Variants in CYS1 observed in about 807,000 individuals in gnomAD.
CYS1 encodes the protein cystin-1.
CYS1 carries 5 observed loss-of-function variants against 9.6 expected under a neutral mutation model. The ratio of observed to expected loss-of-function variants is 0.52; its 90% CI spans 0.27 to 1.10. CYS1 has a LOEUF of 1.10. Ranked by LOEUF, CYS1 falls within the 50% of genes least tolerant of loss-of-function variation. The pLI is 0.11. For missense variants in CYS1, 221 were observed against 207.9 expected, an observed-to-expected ratio of 1.06 and a Z score of -0.39; for synonymous variants, 88 against 95.7, an observed-to-expected ratio of 0.92 and a Z score of 0.47.
At position 10,058,417 on chromosome 2, in the gene CYS1, T is replaced by C. The variant is rs868123839; in HGVS notation, c.*436A>G. 30 of 158,866 alleles carry C rather than the reference T, an allele frequency of 1.9e-4. No homozygotes were observed. Among genetic ancestry groups the C allele is most frequent in the Non-Finnish European group, 1.4e-4 (10 of 72,338 alleles). The allele number at this position is 158,866 out of a possible 1,614,324, so 9.8% of individuals were successfully genotyped here. On this transcript the variant is annotated 3_prime_UTR_variant, in exon 3 of 3. Transcript: ENST00000381813. ...ACCCCTGGAGAGATGGGCCCGAGAC[T>C]GAGGGAGCAGCGCGGGTGCACCTTC...
rs1572451982 is a variant in CYS1, at chr2:10,057,939, C to T, written c.*914G>A. ...CTCACTGCTGTGGTTTCCCACCTTC[C>T]ACCCAGGCAGGAAGAGAATTTAAAA... On this transcript the variant is annotated 3_prime_UTR_variant, in exon 3 of 3. Coordinates refer to ENST00000381813, the MANE Select transcript of CYS1 (RefSeq NM_001037160.3). The T allele has an allele frequency of 6.6e-6, 1 of 152,308 alleles. No homozygotes were observed. The highest frequency in any genetic ancestry group is 1.5e-5 in the Non-Finnish European group (1 of 68,118). 9.4% of individuals were successfully genotyped at this position (152,308 alleles called of 1,614,324 possible). A position where few individuals can be genotyped will look rare whatever the true frequency, so the allele number is the denominator to read the frequency against.
chr2:10,067,406 CTTTTT>C (rs34525296), intron 1 of CYS1, among the ~76,000 whole-genome samples: 77 of 118,116 alleles, frequency 6.5e-4, no homozygotes, highest in African/African-American at 2.1e-3. Context: ...AAATTCTTTT[CTTTTT>C]TTTTTTTTTT....
At position 10,058,691 on chromosome 2, in the gene CYS1, A is replaced by C. The variant is rs1661583740; in HGVS notation, c.*162T>G. 5.2e-6 allele frequency: 3 copies of C among 579,026 alleles called. No individual in the cohort carries two copies. The South Asian group carries it at 8.3e-5, about 16-fold the overall frequency. 35.9% of individuals were successfully genotyped at this position (579,026 alleles called of 1,614,324 possible). Reference sequence around the variant, plus strand: ...AACCATGACCGCCAGTGGCTGGCCCAGGTCAGCGCGGTCTGAAAGTGGATT... The same window carrying C: ...AACCATGACCGCCAGTGGCTGGCCCCGGTCAGCGCGGTCTGAAAGTGGATT... On this transcript the variant is annotated 3_prime_UTR_variant, in exon 3 of 3. Transcript: ENST00000381813.
chr2:10,068,491 G>A (rs187213166), intron 1 of CYS1, among the ~76,000 whole-genome samples: 2 of 152,260 alleles, frequency 1.3e-5, no homozygotes, highest in Admixed American at 1.3e-4. Flanking sequence ...AGGCATCCCT[G>A]GTCTGAAACC....
chr2:10,062,952 T>C (rs529525027), intron 2 of CYS1, among the ~76,000 whole-genome samples: 5 of 152,346 alleles, frequency 3.3e-5, no homozygotes, highest in South Asian at 2.1e-4. Context: ...GCCCCTGGGC[T>C]TCCACTAGCC....
At chr2:10,061,948 T>C (rs143257498) in intron 2 of CYS1, among the ~76,000 whole-genome samples, 352 of 152,076 alleles carry the variant, frequency 2.3e-3, no homozygotes, top group African/African-American at 8.0e-3. Context: ...AGTCAAGAAA[T>C]GAATTTTTGT....
In CYS1 at chr2:10,063,325, G is replaced by A. The variant is rs1270648840; in HGVS notation, c.371+2579C>T. On this transcript the variant is annotated intron_variant, in intron 2 of 2. Coordinates refer to ENST00000381813, the MANE Select transcript of CYS1 (RefSeq NM_001037160.3). The surrounding 1 kb of genome is among the most constrained non-coding windows in gnomAD (Gnocchi z 4.2). ...GAGGGGCTGGGAAGTTGCACCATGC[G>A]GGAGGAGGGACACTAGTTTGACCAG... Among the ~76,000 whole-genome samples, 5 of 152,146 alleles carry A rather than the reference G, an allele frequency of 3.3e-5. No homozygotes were observed. Among genetic ancestry groups the A allele is most frequent in the South Asian group, 4.1e-4 (2 of 4,820 alleles).
rs536040447 is a variant in CYS1 at position 10,063,222 on chromosome 2, T to C, written c.371+2682A>G. ...CCAGAGGCGAATCTGATTCCTTCTG[T>C]GATGAGGCCTGGAGAGAAGAGAGGG... On this transcript the variant is annotated intron_variant, in intron 2 of 2. Coordinates refer to ENST00000381813, the MANE Select transcript of CYS1 (RefSeq NM_001037160.3). The surrounding 1 kb of genome is among the most constrained non-coding windows in gnomAD (Gnocchi z 4.2). Among the ~76,000 whole-genome samples the C allele has an allele frequency of 6.6e-6, 1 of 152,178 alleles. No individual in the cohort carries two copies. The highest frequency in any genetic ancestry group is 1.5e-5 in the Non-Finnish European group (1 of 68,002).
chr2:10,071,507 C>T lies in CYS1; in HGVS notation c.319-5551G>A, dbSNP rs139820320. 1.8e-3 allele frequency among the ~76,000 whole-genome samples: 268 copies of T among 152,350 alleles called. 1 individual carries two copies. The highest frequency in any genetic ancestry group is 6.1e-3 in the African/African-American group (254 of 41,584). On this transcript the variant is annotated intron_variant, in intron 1 of 2. Coordinates refer to ENST00000381813, the MANE Select transcript of CYS1 (RefSeq NM_001037160.3). Reference sequence around the variant, plus strand: ...TGCGTGAACGGCCCCCCAGAGCGGACGCAGGAGGAAGCAATTTCCCCAATG... The same window carrying T: ...TGCGTGAACGGCCCCCCAGAGCGGATGCAGGAGGAAGCAATTTCCCCAATG...
rs2125292345 is a variant in CYS1, at chr2:10,076,814, T to A, written c.318+3092A>T. 1.3e-5 allele frequency among the ~76,000 whole-genome samples: 2 copies of A among 152,254 alleles called. No homozygotes were observed. Among genetic ancestry groups the A allele is most frequent in the Middle Eastern group, 6.8e-3 (2 of 294 alleles). On this transcript the variant is annotated intron_variant, in intron 1 of 2. Coordinates refer to ENST00000381813, the MANE Select transcript of CYS1 (RefSeq NM_001037160.3). This position sits in a 1 kb window ranked among gnomAD's most constrained non-coding sequence, Gnocchi z 4.3. ...ACGCTGGCAGCATCGTCACTGGTGA[T>A]CCCATCTAATCTCATGGGTTTAAAT...
intron 2 of CYS1, among the ~76,000 whole-genome samples, chr2:10,065,176 C>T (rs1427498191): frequency 1.3e-5 from 2 of 152,220 alleles, no homozygotes; most frequent in African/African-American, 4.8e-5. Context: ...CTGTGGGGCT[C>T]AGGGTAGGAC....
Position 10,064,726 on chromosome 2 carries a change from AT to A in CYS1, c.371+1177del, listed in dbSNP as rs113018655. On this transcript the variant is annotated intron_variant, in intron 2 of 2. Transcript: ENST00000381813. Reference sequence around the variant, plus strand: ...TTTTTATATTTTTATTTATTTATTTATTTTTTTCTGAGACAGAGTCTCCCTC... The same window carrying A: ...TTTTTATATTTTTATTTATTTATTTATTTTTTCTGAGACAGAGTCTCCCTC... Among the ~76,000 whole-genome samples, 1,491 of 150,604 alleles carry A rather than the reference AT, an allele frequency of 9.9e-3. 22 individuals are homozygous for A. The highest frequency in any genetic ancestry group is 0.034 in the African/African-American group (1,388 of 40,960).
rs1558355718 is a variant in CYS1, at chr2:10,058,823, G to A, written c.*30C>T. 2.6e-6 allele frequency: 4 copies of A among 1,529,450 alleles called. No homozygotes were observed. The highest frequency in any genetic ancestry group is 1.2e-5 in the South Asian group (1 of 83,426). The allele number at this position is 1,529,450 out of a possible 1,614,324, so 94.7% of individuals were successfully genotyped here. ...GGTGCCCCAGCCAGCAGGTGCCTCC[G>A]AGGCCTGGCGGGGGTGGAGCATGCT... On this transcript the variant is annotated 3_prime_UTR_variant, in exon 3 of 3. Coordinates refer to ENST00000381813, the MANE Select transcript of CYS1 (RefSeq NM_001037160.3).
intron 2 of CYS1, 85 bp downstream of exon 2, chr2:10,065,819 G>T (rs750142139): frequency 2.2e-6 from 3 of 1,347,420 alleles, no homozygotes; most frequent in South Asian, 2.4e-5. Context: ...GGAGGAAAGT[G>T]GGGGACAGGA....
chr2:10,059,397 T>G (rs1489112236), intron 2 of CYS1, among the ~76,000 whole-genome samples: 2 of 152,244 alleles, frequency 1.3e-5, no homozygotes, highest in Non-Finnish European at 2.9e-5. Flanking sequence ...CACCACAGCC[T>G]TAATCAATGG....
chr2:10,071,264 G>T (rs1412360458), intron 1 of CYS1, among the ~76,000 whole-genome samples: 13 of 152,204 alleles, frequency 8.5e-5, no homozygotes. Flanking sequence ...ACCGTGCCCG[G>T]CTCTGAGAAC....
At chr2:10,069,495 A>G (rs1412056002) in intron 1 of CYS1, among the ~76,000 whole-genome samples, 3 of 151,958 alleles carry the variant, frequency 2.0e-5, no homozygotes, top group African/African-American at 4.8e-5. Context: ...CAGACTCCCG[A>G]GTAGCTGGGA....
chr2:10,061,293 G>C (rs1661623357), intron 2 of CYS1, among the ~76,000 whole-genome samples: 1 of 152,182 alleles, frequency 6.6e-6, no homozygotes, highest in Non-Finnish European at 1.5e-5. Context: ...GACCAGCAAA[G>C]CACCCAGTAC....
intron 2 of CYS1, 136 bp from the exon 3 acceptor site, chr2:10,059,094 TG>T: frequency 1.3e-6 from 1 of 754,916 alleles, no homozygotes; most frequent in South Asian, 1.7e-5. Context: ...GGACACCCTG[TG>T]GCGCTCTCGC....
Sources: gnomAD v4.1 joint callset for allele counts (sites outside exome capture counted in the v4.1 genomes callset) on GRCh38, gnomAD v4.1.1 for gene constraint, Gnocchi (gnomAD v3.1) non-coding constraint, MANE v1.5 for transcripts, NCBI Gene and HGNC (gene_info 2026-07-23, HGNC 2026-07-21) for gene names.